The following RNF8 variants were observed in gnomAD, a reference collection of about 807,000 sequenced individuals.
The protein encoded by RNF8 is E3 ubiquitin-protein ligase RNF8.
Under a neutral mutation model 59.3 loss-of-function variants are expected in RNF8, and 8 were observed. The ratio of observed to expected loss-of-function variants is 0.13; its 90% CI spans 0.08 to 0.24. RNF8 has a LOEUF of 0.24. Among genes scored for constraint, RNF8 ranks in the 10% least tolerant of loss-of-function variants. The pLI, the probability that RNF8 is intolerant of heterozygous loss-of-function variation, is 1.00. For missense variants in RNF8, 406 were observed against 572.6 expected (o/e 0.71, Z 2.97); for synonymous variants, 162 against 200.0 (o/e 0.81, Z 1.60).
At chr6:37,355,187 G>T (rs545823257) in intron 1 of RNF8, among the ~76,000 whole-genome samples, 6 of 152,322 alleles carry the variant, frequency 3.9e-5, no homozygotes, top group African/African-American at 1.4e-4. Context: ...GAGGGAGTTA[G>T]ATTGCAATCA....
intron 2 of RNF8, among the ~76,000 whole-genome samples, chr6:37,362,905 G>T (rs1769382824): frequency 6.6e-6 from 1 of 152,256 alleles, no homozygotes; most frequent in Non-Finnish European, 1.5e-5. Flanking sequence ...GGACAGCTAA[G>T]TCTGCACACA....
In RNF8 at chr6:37,368,907, C is replaced by A. The variant is rs1769682043; in HGVS notation, c.664C>A (p.Pro222Thr). Reference protein sequence around the residue: ...PSKTTGAPIYPGFPKVTEVHH... With the variant: ...PSKTTGAPIYTGFPKVTEVHH... ...TAAGACCACAGGGGCTCCCATTTAC[C>A]CTGGCTTCCCCAAAGTCACAGAGGT... is the stretch of plus-strand genomic sequence containing the variant. The change falls in exon 3 of 8, where the codon CCT (proline) becomes ACT (threonine). Residue 222 changes from proline (P) to threonine (T), a missense_variant. Pro to Thr is a conservative substitution (Grantham distance 38). Transcript: ENST00000373479. 6.2e-7 allele frequency: 1 copy of A among 1,614,184 alleles called. No homozygotes were observed. The highest frequency in any genetic ancestry group is 8.5e-7 in the Non-Finnish European group (1 of 1,180,032).
chr6:37,390,170 T>C (rs1222576272), intron 7 of RNF8, among the ~76,000 whole-genome samples: 1 of 152,252 alleles, frequency 6.6e-6, no homozygotes, highest in Admixed American at 6.5e-5. Flanking sequence ...ACAGATATAT[T>C]GAGGGCCAGA....
intron 7 of RNF8, among the ~76,000 whole-genome samples, chr6:37,387,255 A>G (rs1207775362): frequency 2.0e-5 from 3 of 152,190 alleles, no homozygotes; most frequent in African/African-American, 7.2e-5. Context: ...TACTTCAGTT[A>G]CTTTCTGTAT....
Position 37,360,355 on chromosome 6 carries a change from T to C in RNF8, c.112-91T>C. The C allele has an allele frequency of 2.7e-6, 4 of 1,482,288 alleles. No individual in the cohort carries two copies. Among genetic ancestry groups the C allele is most frequent in the Non-Finnish European group, 3.8e-6 (4 of 1,066,500 alleles). 91.8% of individuals were successfully genotyped at this position (1,482,288 alleles called of 1,614,324 possible). On this transcript the variant is annotated intron_variant, in intron 1 of 7. Coordinates refer to ENST00000373479, the MANE Select transcript of RNF8 (RefSeq NM_003958.4). This position sits in a 1 kb window ranked among gnomAD's most constrained non-coding sequence, Gnocchi z 4.2. ...GTGTCTGGTTTCTTAAGTCAGGACCTGCATATGCTGCTGGTTGATGAGATT... is the reference window on the plus strand; with the variant it reads ...GTGTCTGGTTTCTTAAGTCAGGACCCGCATATGCTGCTGGTTGATGAGATT...
At chr6:37,367,917 C>T (rs979772416) in intron 2 of RNF8, among the ~76,000 whole-genome samples, 5 of 152,162 alleles carry the variant, frequency 3.3e-5, no homozygotes, top group African/African-American at 1.2e-4. Context: ...AGCTCTTAAC[C>T]GCTATCCTGT....
chr6:37,393,283 C>G lies in RNF8; in HGVS notation c.*2525C>G, dbSNP rs1237170342. The G allele has an allele frequency of 6.6e-6, 1 of 152,220 alleles. No homozygotes were observed. Among genetic ancestry groups the G allele is most frequent in the Non-Finnish European group, 1.5e-5 (1 of 68,042 alleles). 9.4% of individuals were successfully genotyped at this position (152,220 alleles called of 1,614,324 possible). On this transcript the variant is annotated 3_prime_UTR_variant, in exon 8 of 8. Coordinates refer to ENST00000373479, the MANE Select transcript of RNF8 (RefSeq NM_003958.4). Reference sequence around the variant, plus strand: ...TTTCTTCATCTCTAAGTAATTATATCTGTCATTATTGCCCTGATCACAAAC... The same window carrying G: ...TTTCTTCATCTCTAAGTAATTATATGTGTCATTATTGCCCTGATCACAAAC...
chr6:37,387,308 T>A (rs1770544986), intron 7 of RNF8, among the ~76,000 whole-genome samples: 2 of 152,188 alleles, frequency 1.3e-5, no homozygotes, highest in South Asian at 4.1e-4. Flanking sequence ...TCATTAAACT[T>A]GAGCCAGAAC....
chr6:37,368,009 T>C (rs926454628), intron 2 of RNF8, among the ~76,000 whole-genome samples: 1 of 152,160 alleles, frequency 6.6e-6, no homozygotes, highest in Non-Finnish European at 1.5e-5. Flanking sequence ...AGTACTCTCT[T>C]TTTTTTGGTT....
chr6:37,371,672 CT>C, intron 4 of RNF8, 98 bp downstream of exon 4: 2 of 900,896 alleles, frequency 2.2e-6, no homozygotes, highest in Non-Finnish European at 1.8e-6. Flanking sequence ...TAGCCCATAC[CT>C]CTGTGGCATC....
chr6:37,378,292 A>G (rs1432176769), intron 6 of RNF8, among the ~76,000 whole-genome samples: 1 of 151,780 alleles, frequency 6.6e-6, no homozygotes, highest in Non-Finnish European at 1.5e-5. Context: ...AGGCATGAAA[A>G]AAAAGAAAAA....
chr6:37,359,934 T>G (rs1171580574), intron 1 of RNF8, among the ~76,000 whole-genome samples: 3 of 152,226 alleles, frequency 2.0e-5, no homozygotes, highest in Non-Finnish European at 2.9e-5. Context: ...TAACTGGGAA[T>G]ACAGAACCAG....
intron 1 of RNF8, among the ~76,000 whole-genome samples, chr6:37,358,013 T>A (rs374385388): frequency 6.6e-6 from 1 of 152,132 alleles, no homozygotes; most frequent in Non-Finnish European, 1.5e-5. Context: ...TGAAGAAATA[T>A]GATGGGAAGC....
At chr6:37,356,077 G>A (rs1333825802) in intron 1 of RNF8, among the ~76,000 whole-genome samples, 1 of 152,130 alleles carries the variant, frequency 6.6e-6, no homozygotes, top group African/African-American at 2.4e-5. Context: ...GGGATGGGGA[G>A]GACGAATTAA....
rs1487592033 is a variant in RNF8 at position 37,360,748 on chromosome 6, T to C, written c.240+174T>C. ...CCATATGCTGCCAGAGATTCGATTA[T>C]GCTAAAATAATTTCTCTTGATTTGG... On this transcript the variant is annotated intron_variant, in intron 2 of 7. Transcript: ENST00000373479. The surrounding 1 kb of genome is among the most constrained non-coding windows in gnomAD (Gnocchi z 4.2). Among the ~76,000 whole-genome samples the C allele has an allele frequency of 6.6e-6, 1 of 152,148 alleles. No homozygotes were observed. Among genetic ancestry groups the C allele is most frequent in the African/African-American group, 2.4e-5 (1 of 41,424 alleles).
intron 4 of RNF8, 107 bp from the exon 5 acceptor site, chr6:37,374,513 C>A: frequency 1.3e-6 from 1 of 787,350 alleles, no homozygotes. Context: ...TTATCGATCC[C>A]TGAACCACAA....
intron 2 of RNF8, among the ~76,000 whole-genome samples, chr6:37,365,594 A>G (rs183491661): frequency 1.0e-3 from 159 of 152,326 alleles, no homozygotes; most frequent in African/African-American, 3.8e-3. Flanking sequence ...TTGAGTGTCC[A>G]CTTTCCTCAA....
At chr6:37,364,211 AAG>A (rs1334934231) in intron 2 of RNF8, among the ~76,000 whole-genome samples, 1 of 148,254 alleles carries the variant, frequency 6.7e-6, no homozygotes, top group Non-Finnish European at 1.5e-5. Context: ...TGAGTGAAAG[AAG>A]ACAGACACAA....
intron 7 of RNF8, among the ~76,000 whole-genome samples, chr6:37,389,131 G>A (rs190170707): frequency 1.3e-5 from 2 of 152,242 alleles, no homozygotes; most frequent in East Asian, 1.9e-4. Flanking sequence ...TCTCCTTGTA[G>A]TATTTTCAGG....
Sources: allele counts gnomAD v4.1 joint callset (sites outside exome capture counted in the v4.1 genomes callset), GRCh38; gene constraint gnomAD v4.1.1; non-coding constraint Gnocchi (gnomAD v3.1); transcripts MANE v1.5; gene names NCBI Gene and HGNC (gene_info 2026-07-23, HGNC 2026-07-21).